Variants in GALNT16 observed in about 807,000 individuals in gnomAD.
GALNT16 encodes polypeptide N-acetylgalactosaminyltransferase 16.
In GALNT16, 40 loss-of-function variants were observed where a neutral mutation model predicts 76.1. The observed-to-expected ratio is 0.53, with a 90% CI of 0.41 to 0.68. The LOEUF (loss-of-function observed/expected upper bound fraction) is 0.68, where lower values mean the gene tolerates loss of function less well. GALNT16 is among the 30% of genes least tolerant of loss of function. The pLI is 0.00. For synonymous variants in GALNT16, 276 were observed against 285.2 expected (o/e 0.97, Z 0.32); for missense variants, 621 against 731.9 (o/e 0.85, Z 1.75).
the GALNT16 span, among the ~76,000 whole-genome samples, chr14:69,383,342 A>G: frequency 6.6e-6 from 1 of 152,220 alleles, no homozygotes; most frequent in African/African-American, 2.4e-5. Context: ...TTAATTTAAA[A>G]AAGTCCTAGG....
chr14:69,380,678 C>A, the GALNT16 span: 3 of 1,170,998 alleles, frequency 2.6e-6, no homozygotes, highest in South Asian at 2.5e-5. Context: ...TCACAGTGGT[C>A]AATCACTGCC....
intron 1 of GALNT16, among the ~76,000 whole-genome samples, chr14:69,284,470 C>T (rs770597782): frequency 6.6e-6 from 1 of 152,190 alleles, no homozygotes; most frequent in African/African-American, 2.4e-5. Context: ...GGCTTTTACA[C>T]GTGGCTGCTC....
At chr14:69,298,876 G>T (rs1309201211) in intron 1 of GALNT16, among the ~76,000 whole-genome samples, 1 of 152,230 alleles carries the variant, frequency 6.6e-6, no homozygotes, top group African/African-American at 2.4e-5. Context: ...GCAGAGGTAG[G>T]CCCAGCCAAG....
intron 6 of GALNT16, among the ~76,000 whole-genome samples, chr14:69,329,228 G>A (rs1350836492): frequency 2.0e-5 from 3 of 152,098 alleles, no homozygotes; most frequent in Non-Finnish European, 4.4e-5. Context: ...ATGACGGCGG[G>A]TGCCTGTGCT....
chr14:69,329,753 G>A (rs773553005), intron 6 of GALNT16, among the ~76,000 whole-genome samples: 8 of 152,056 alleles, frequency 5.3e-5, no homozygotes, highest in Non-Finnish European at 1.0e-4. Context: ...CTCACATGGC[G>A]AGAGTGGGGG....
chr14:69,346,464 TCA>T (rs1308594446), intron 12 of GALNT16, among the ~76,000 whole-genome samples: 3 of 152,172 alleles, frequency 2.0e-5, no homozygotes, highest in Admixed American at 2.0e-4. Context: ...ATCTATGCTC[TCA>T]CCAGGAAGGT....
chr14:69,332,082 A>C (rs2045358488), intron 7 of GALNT16, among the ~76,000 whole-genome samples: 1 of 152,246 alleles, frequency 6.6e-6, no homozygotes, highest in East Asian at 1.9e-4. Context: ...TAGAAGACCC[A>C]CAGGTTACCC....
At chr14:69,277,850 A>C (rs979404629) in intron 1 of GALNT16, among the ~76,000 whole-genome samples, 1 of 152,176 alleles carries the variant, frequency 6.6e-6, no homozygotes, top group African/African-American at 2.4e-5. Flanking sequence ...ACAGTGTAAA[A>C]GTGTTCCTAT....
chr14:69,300,920 T>C (rs2044842521), intron 1 of GALNT16, among the ~76,000 whole-genome samples: 1 of 152,218 alleles, frequency 6.6e-6, no homozygotes, highest in Non-Finnish European at 1.5e-5. Context: ...AATTGAATGC[T>C]TTTCAGCGGT....
intron 7 of GALNT16, among the ~76,000 whole-genome samples, chr14:69,332,238 G>A (rs2045360041): frequency 6.6e-6 from 1 of 152,114 alleles, no homozygotes; most frequent in Admixed American, 6.5e-5. Context: ...GTGATTACTA[G>A]AACATTTTGA....
At chr14:69,357,122 G>T, downstream of GALNT16, 1 of 152,336 alleles carries the variant, frequency 6.6e-6, no homozygotes. Context: ...TCTAGCAGAG[G>T]AGATGGACCA....
chr14:69,373,451 C>T, the GALNT16 span, among the ~76,000 whole-genome samples: 3 of 152,322 alleles, frequency 2.0e-5, no homozygotes, highest in East Asian at 5.8e-4. Flanking sequence ...AAGAAAATTA[C>T]CTCTGGCACA....
intron 1 of GALNT16, among the ~76,000 whole-genome samples, chr14:69,277,424 C>T (rs2044486051): frequency 6.6e-6 from 1 of 152,156 alleles, no homozygotes; most frequent in Non-Finnish European, 1.5e-5. Context: ...CATCCTGTGT[C>T]CAAGTGTTCT....
chr14:69,279,226 C>G (rs147871518), intron 1 of GALNT16, among the ~76,000 whole-genome samples: 2,213 of 152,306 alleles, frequency 0.015, 62 homozygotes, highest in African/African-American at 0.051. Flanking sequence ...GCCACCACGC[C>G]TGGCCATTTA....
the GALNT16 span, among the ~76,000 whole-genome samples, chr14:69,373,300 A>G: frequency 6.6e-6 from 1 of 152,212 alleles, no homozygotes; most frequent in Non-Finnish European, 1.5e-5. Flanking sequence ...CAAGAAAGAA[A>G]CCATGATCTA....
At chr14:69,299,120 G>A (rs973950016) in intron 1 of GALNT16, among the ~76,000 whole-genome samples, 4 of 152,238 alleles carry the variant, frequency 2.6e-5, no homozygotes, top group African/African-American at 7.2e-5. Flanking sequence ...AGCACGTGCA[G>A]TAGCCCTGGG....
chr14:69,296,923 A>C (rs1018288563), intron 1 of GALNT16, among the ~76,000 whole-genome samples: 1 of 152,210 alleles, frequency 6.6e-6, no homozygotes, highest in Admixed American at 6.5e-5. Flanking sequence ...TTCACTTAAT[A>C]GTATAGCTTA....
chr14:69,320,171 T>A (rs965068662), intron 1 of GALNT16, among the ~76,000 whole-genome samples: 4 of 152,198 alleles, frequency 2.6e-5, no homozygotes, highest in African/African-American at 9.7e-5. Context: ...CCTTGTGACT[T>A]AATAGCTCTG....
chr14:69,282,316 C>T (rs978967978), intron 1 of GALNT16, among the ~76,000 whole-genome samples: 1 of 152,172 alleles, frequency 6.6e-6, no homozygotes, highest in Non-Finnish European at 1.5e-5. Flanking sequence ...TTGTTCCCTC[C>T]ATGCACTGTG....
Sources: gnomAD v4.1 joint callset for allele counts (sites outside exome capture counted in the v4.1 genomes callset) on GRCh38, gnomAD v4.1.1 for gene constraint, MANE v1.5 for transcripts, NCBI Gene and HGNC (gene_info 2026-07-23, HGNC 2026-07-21) for gene names.